The following RPS6KA5 variants were observed in gnomAD, a reference collection of about 807,000 sequenced individuals.
The protein encoded by RPS6KA5 is ribosomal protein S6 kinase alpha-5.
RPS6KA5 carries 27 observed loss-of-function variants against 85.5 expected under a neutral mutation model. The ratio of observed to expected loss-of-function variants is 0.32; its 90% CI spans 0.23 to 0.44. The LOEUF (loss-of-function observed/expected upper bound fraction) is 0.44. Ranked by LOEUF, RPS6KA5 falls within the 20% of genes least tolerant of loss-of-function variation. The probability of loss-of-function intolerance (pLI) is 1.00; values close to 1 mark genes in which losing one functional copy is unlikely to be tolerated. For synonymous variants in RPS6KA5, 334 were observed against 348.2 expected, an observed-to-expected ratio of 0.96 and a Z score of 0.46; for missense variants, 811 against 980.9, an observed-to-expected ratio of 0.83 and a Z score of 2.31.
chr14:90,957,575 G>C (rs532828999), intron 3 of RPS6KA5, among the ~76,000 whole-genome samples: 3 of 152,214 alleles, frequency 2.0e-5, no homozygotes, highest in South Asian at 4.2e-4. Flanking sequence ...CAGCTGTTAG[G>C]ACCCACTAAT....
At position 90,851,035 on chromosome 14, in the gene RPS6KA5, CTTTTA is replaced by C. The variant is rs1012814798; in HGVS notation, c.*21034_*21038del. 5.9e-5 allele frequency: 9 copies of C among 151,858 alleles called. No individual in the cohort carries two copies. The highest frequency in any genetic ancestry group is 1.0e-4 in the Non-Finnish European group (7 of 67,974). The allele number at this position is 151,858 out of a possible 1,614,324, so 9.4% of individuals were successfully genotyped here. Reference sequence around the variant, plus strand: ...CACTACAGAGAAGTGGGTAAAGATACTTTTATTTTATTTTTTTTTTGAGACAGAGT... The same window carrying C: ...CACTACAGAGAAGTGGGTAAAGATACTTTTATTTTTTTTTTGAGACAGAGT... On this transcript the variant is annotated 3_prime_UTR_variant, in exon 17 of 17. Transcript: ENST00000614987.
chr14:91,053,193 G>A (rs190876840), intron 1 of RPS6KA5, among the ~76,000 whole-genome samples: 22 of 152,254 alleles, frequency 1.4e-4, no homozygotes, highest in Admixed American at 4.6e-4. Flanking sequence ...CAAACTAGGA[G>A]GAGAAGTGAA....
intron 3 of RPS6KA5, among the ~76,000 whole-genome samples, chr14:90,962,588 A>T (rs570655809): frequency 6.8e-6 from 1 of 147,462 alleles, no homozygotes; most frequent in Non-Finnish European, 1.5e-5. Context: ...TGCCCGGCCT[A>T]GATTTTTTTT....
At position 90,853,715 on chromosome 14, in the gene RPS6KA5, A is replaced by G. The variant is rs969336068; in HGVS notation, c.*18359T>C. The G allele has an allele frequency of 6.6e-6, 1 of 151,414 alleles. No homozygotes were observed. The allele number at this position is 151,414 out of a possible 1,614,324, so 9.4% of individuals were successfully genotyped here. The stretch of plus-strand genomic sequence containing the variant: ...TAAAATTTAACACTATGAAGTCTCT[A>G]TATTAAATCAAAATCGTAACCATCT... On this transcript the variant is annotated 3_prime_UTR_variant, in exon 17 of 17. Transcript: ENST00000614987.
At chr14:91,031,385 A>G (rs1374274023) in intron 1 of RPS6KA5, among the ~76,000 whole-genome samples, 2 of 152,240 alleles carry the variant, frequency 1.3e-5, no homozygotes, top group African/African-American at 2.4e-5. Context: ...CGCCACAGAT[A>G]TAATACTAAA....
At chr14:91,018,903 T>C (rs2041617808) in intron 1 of RPS6KA5, among the ~76,000 whole-genome samples, 1 of 152,066 alleles carries the variant, frequency 6.6e-6, no homozygotes, top group Non-Finnish European at 1.5e-5. Context: ...CCCTGACTTA[T>C]AACACATCTA....
intron 1 of RPS6KA5, among the ~76,000 whole-genome samples, chr14:91,021,564 C>T (rs909677123): frequency 2.6e-5 from 4 of 152,146 alleles, no homozygotes; most frequent in African/African-American, 9.7e-5. Context: ...AGACACATGC[C>T]ACCATGCCTG....
At chr14:90,898,017 ATT>A (rs560672017) in intron 12 of RPS6KA5, among the ~76,000 whole-genome samples, 64 of 152,274 alleles carry the variant, frequency 4.2e-4, no homozygotes, top group African/African-American at 1.4e-3. Flanking sequence ...CTTCAGTGGC[ATT>A]TCTTTTCTGA....
chr14:90,901,457 AT>A (rs1421897934), intron 9 of RPS6KA5, among the ~76,000 whole-genome samples: 1 of 152,234 alleles, frequency 6.6e-6, no homozygotes, highest in Non-Finnish European at 1.5e-5. Flanking sequence ...TAATTTAGCA[AT>A]TATTTGATTC....
At chr14:90,974,252 C>T (rs1001959027) in intron 3 of RPS6KA5, among the ~76,000 whole-genome samples, 26 of 152,038 alleles carry the variant, frequency 1.7e-4, no homozygotes, top group African/African-American at 6.0e-4. Context: ...CAGCTCAAAA[C>T]GTTTAAGTTT....
chr14:91,004,923 G>A (rs1469188910), intron 1 of RPS6KA5, among the ~76,000 whole-genome samples: 2 of 151,528 alleles, frequency 1.3e-5, no homozygotes, highest in East Asian at 1.9e-4. Flanking sequence ...AGCCAAGATC[G>A]CGCGCCACTG....
At chr14:91,031,907 T>A (rs1192993099) in intron 1 of RPS6KA5, among the ~76,000 whole-genome samples, 1 of 152,158 alleles carries the variant, frequency 6.6e-6, no homozygotes, top group Non-Finnish European at 1.5e-5. Context: ...TAGAAAATAT[T>A]AGAAAAGAGT....
In RPS6KA5 at chr14:90,871,802, T is replaced by C. The variant is rs2033130483; in HGVS notation, c.*272A>G. The C allele has an allele frequency of 3.4e-6, 1 of 290,344 alleles. No individual in the cohort carries two copies. Among genetic ancestry groups the C allele is most frequent in the African/African-American group, 2.2e-5 (1 of 46,170 alleles). The allele number at this position is 290,344 out of a possible 1,614,324, so 18.0% of individuals were successfully genotyped here. A position where few individuals can be genotyped will look rare whatever the true frequency, so the allele number is the denominator to read the frequency against. On this transcript the variant is annotated 3_prime_UTR_variant, in exon 17 of 17. Coordinates refer to ENST00000614987, the MANE Select transcript of RPS6KA5 (RefSeq NM_004755.4). ...ACAAGCAGCTCAAATCTAGCCCTAA[T>C]TAAATTTACAGGAACCTTTGCTCTT...
At position 90,936,564 on chromosome 14, in the gene RPS6KA5, T is replaced by A. The variant is rs538985348; in HGVS notation, c.618+6514A>T. Among the ~76,000 whole-genome samples, 801 of 151,566 alleles carry A rather than the reference T, an allele frequency of 5.3e-3. 5 individuals are homozygous for A. The highest frequency in any genetic ancestry group is 0.018 in the African/African-American group (748 of 41,306). The stretch of plus-strand genomic sequence containing the variant: ...AAGACCCCATCTTTTAAAAAAAAAA[T>A]ACAAAAACAAAAAACCCAGAAATAA... On this transcript the variant is annotated intron_variant, in intron 5 of 16. Coordinates refer to ENST00000614987, the MANE Select transcript of RPS6KA5 (RefSeq NM_004755.4).
intron 5 of RPS6KA5, among the ~76,000 whole-genome samples, chr14:90,942,479 C>T (rs1196237642): frequency 1.3e-5 from 2 of 152,322 alleles, no homozygotes; most frequent in Non-Finnish European, 2.9e-5. Context: ...AATAGATGTA[C>T]AATTTTAAGT....
rs1001330705 is a variant in RPS6KA5, at chr14:90,936,474, G to A, written c.618+6604C>T. ...AGCTACTTGGGAGTCTGAGGTGGGA[G>A]GATGGCTTGACCCCAGGAGGCAGAA... On this transcript the variant is annotated intron_variant, in intron 5 of 16. Transcript: ENST00000614987. Among the ~76,000 whole-genome samples the A allele has an allele frequency of 5.3e-5, 8 of 152,218 alleles. No individual in the cohort carries two copies. The South Asian group carries it at 1.5e-3, about 28-fold the overall frequency.
At chr14:90,959,485 T>C (rs764320036) in intron 3 of RPS6KA5, among the ~76,000 whole-genome samples, 8 of 152,140 alleles carry the variant, frequency 5.3e-5, no homozygotes, top group Non-Finnish European at 1.2e-4. Flanking sequence ...ACAACAGTAG[T>C]AGTGATAAGG....
At chr14:90,987,591 C>A (rs944054686) in intron 2 of RPS6KA5, among the ~76,000 whole-genome samples, 1 of 152,114 alleles carries the variant, frequency 6.6e-6, no homozygotes, top group African/African-American at 2.4e-5. Flanking sequence ...TTCAAGATGG[C>A]ACTGAAGGCT....
intron 1 of RPS6KA5, among the ~76,000 whole-genome samples, chr14:91,040,823 G>T (rs1021652026): frequency 6.6e-6 from 1 of 152,186 alleles, no homozygotes; most frequent in Non-Finnish European, 1.5e-5. Flanking sequence ...AGCACTGAGT[G>T]CTCTACAGAA....
Sources: allele counts gnomAD v4.1 joint callset (sites outside exome capture counted in the v4.1 genomes callset), GRCh38; gene constraint gnomAD v4.1.1; transcripts MANE v1.5; gene names NCBI Gene and HGNC (gene_info 2026-07-23, HGNC 2026-07-21).